EDA: variants seen among roughly 807,000 people sequenced by gnomAD.
EDA encodes ectodysplasin-A.
In EDA, 2 loss-of-function variants were observed where a neutral mutation model predicts 23.6. The ratio of observed to expected loss-of-function variants is 0.08; its 90% CI spans 0.03 to 0.27. The LOEUF (loss-of-function observed/expected upper bound fraction) is 0.27. Ranked by LOEUF, EDA falls within the 10% of genes least tolerant of loss-of-function variation. The pLI is 1.00. For missense variants in EDA, 229 were observed against 324.2 expected (o/e 0.71, Z 2.26); for synonymous variants, 131 against 132.0 (o/e 0.99, Z 0.05).
At chrX:69,659,830 C>G (rs1226300626) in intron 1 of EDA, among the ~76,000 whole-genome samples, 1 of 111,427 alleles carries the variant, frequency 9.0e-6, no homozygotes, top group African/African-American at 3.3e-5. Context: ...ACCTGATGAG[C>G]TTTAAAGATG....
intron 1 of EDA, among the ~76,000 whole-genome samples, chrX:69,754,779 A>C (rs1398468573): frequency 9.1e-6 from 1 of 110,470 alleles, no homozygotes; most frequent in Non-Finnish European, 1.9e-5. Flanking sequence ...TTTTCTCTAA[A>C]CTTCTCACTT....
chrX:69,795,757 A>AC (rs2015526077), intron 1 of EDA, among the ~76,000 whole-genome samples: 1 of 112,734 alleles, frequency 8.9e-6, no homozygotes, highest in Admixed American at 9.3e-5. Context: ...TGGCAAAGCC[A>AC]CAGCATGGCC....
chrX:69,825,714 T>C (rs1446567059), intron 1 of EDA, among the ~76,000 whole-genome samples: 1 of 112,440 alleles, frequency 8.9e-6, no homozygotes, highest in East Asian at 2.8e-4. Context: ...TCTGCTCTGA[T>C]TTTAGTTATT....
intron 1 of EDA, among the ~76,000 whole-genome samples, chrX:69,815,208 G>A (rs1174140347): frequency 8.9e-6 from 1 of 112,533 alleles, no homozygotes; most frequent in Non-Finnish European, 1.9e-5. Flanking sequence ...CGACTCAGCT[G>A]CTCCAGCCTG....
intron 1 of EDA, among the ~76,000 whole-genome samples, chrX:69,647,759 A>C (rs924328952): frequency 1.8e-5 from 2 of 112,101 alleles, no homozygotes; most frequent in African/African-American, 6.5e-5. Context: ...CATTTGGAGA[A>C]GAGGCACTCT....
intron 1 of EDA, among the ~76,000 whole-genome samples, chrX:69,956,613 G>A (rs1181944267): frequency 9.0e-6 from 1 of 110,860 alleles, no homozygotes; most frequent in Non-Finnish European, 1.9e-5. Context: ...CAAAGTGCTG[G>A]GATTACAGGC....
At chrX:69,773,017 A>G (rs2014681938) in intron 1 of EDA, among the ~76,000 whole-genome samples, 1 of 111,812 alleles carries the variant, frequency 8.9e-6, no homozygotes, top group African/African-American at 3.3e-5. Flanking sequence ...CCCTCTATCC[A>G]TTAAGCAGTC....
chrX:69,968,301 A>G (rs994051320), intron 2 of EDA, among the ~76,000 whole-genome samples: 1 of 112,093 alleles, frequency 8.9e-6, no homozygotes, highest in Non-Finnish European at 1.9e-5. Flanking sequence ...AGGCATGCAT[A>G]TATGACGAAT....
At chrX:69,821,253 G>C (rs2016215104) in intron 1 of EDA, among the ~76,000 whole-genome samples, 1 of 107,541 alleles carries the variant, frequency 9.3e-6, no homozygotes, top group Non-Finnish European at 1.9e-5. Flanking sequence ...GGGGGGATGA[G>C]GGGGGTGGGA....
At chrX:69,621,066 G>T (rs1012329942) in intron 1 of EDA, 4 of 231,379 alleles carry the variant, frequency 1.7e-5, no homozygotes, top group Non-Finnish European at 3.2e-5. Flanking sequence ...CTCTAAAATG[G>T]TGCAAAAAGC....
intron 1 of EDA, among the ~76,000 whole-genome samples, chrX:69,822,848 T>TC (rs1220487584): frequency 3.0e-5 from 1 of 33,375 alleles, no homozygotes; most frequent in African/African-American, 1.2e-4. Flanking sequence ...CCCTCCCCCC[T>TC]CCCCCACCCC....
chrX:69,945,699 G>C (rs2018823932), intron 1 of EDA, among the ~76,000 whole-genome samples: 1 of 111,462 alleles, frequency 9.0e-6, no homozygotes, highest in Non-Finnish European at 1.9e-5. Context: ...TTGCTCCATT[G>C]AGATACTATA....
At chrX:69,783,700 C>T (rs1038804695) in intron 1 of EDA, among the ~76,000 whole-genome samples, 3 of 111,039 alleles carry the variant, frequency 2.7e-5, no homozygotes, top group African/African-American at 6.5e-5. Context: ...TTGGACATTT[C>T]GGTTGGTTCC....
chrX:69,703,191 C>T (rs780172270), intron 1 of EDA, among the ~76,000 whole-genome samples: 2 of 111,649 alleles, frequency 1.8e-5, no homozygotes, highest in Non-Finnish European at 3.8e-5. Context: ...TGGCACACAC[C>T]GGAACCTTCT....
intron 1 of EDA, among the ~76,000 whole-genome samples, chrX:69,828,773 G>T (rs906005590): frequency 2.4e-4 from 27 of 112,310 alleles, no homozygotes; most frequent in African/African-American, 7.1e-4. Flanking sequence ...TAGTAGTCAG[G>T]TTTCCTGTCA....
At chrX:69,846,747 C>T (rs1259070147) in intron 1 of EDA, among the ~76,000 whole-genome samples, 1 of 111,643 alleles carries the variant, frequency 9.0e-6, no homozygotes, top group Non-Finnish European at 1.9e-5. Context: ...ACCAAATAAA[C>T]AACTCCCAGG....
chrX:69,757,073 C>T (rs2086624014), intron 1 of EDA, among the ~76,000 whole-genome samples: 1 of 111,247 alleles, frequency 9.0e-6, no homozygotes, highest in Non-Finnish European at 1.9e-5. Flanking sequence ...CTACTCAAAC[C>T]AAAGAAACAG....
At chrX:69,967,528 T>C (rs1221480310) in intron 2 of EDA, among the ~76,000 whole-genome samples, 1 of 111,532 alleles carries the variant, frequency 9.0e-6, no homozygotes, top group Non-Finnish European at 1.9e-5. Flanking sequence ...TCAAGAGAGA[T>C]AGCTGGTCTG....
chrX:69,790,846 C>T (rs1301873054), intron 1 of EDA, among the ~76,000 whole-genome samples: 1 of 102,744 alleles, frequency 9.7e-6, no homozygotes, highest in Non-Finnish European at 2.0e-5. Context: ...TTCCTCATGG[C>T]TTTTTTTTTT....
Sources: allele counts gnomAD v4.1 joint callset (sites outside exome capture counted in the v4.1 genomes callset), GRCh38; gene constraint gnomAD v4.1.1; transcripts MANE v1.5; gene names NCBI Gene and HGNC (gene_info 2026-07-23, HGNC 2026-07-21).